Variants in MPRIP observed in about 807,000 individuals in gnomAD.
MPRIP encodes the protein myosin phosphatase Rho-interacting protein.
Under a neutral mutation model 234.9 loss-of-function variants are expected in MPRIP, and 59 were observed. The ratio of observed to expected loss-of-function variants is 0.25; its 90% CI spans 0.20 to 0.31. The LOEUF (loss-of-function observed/expected upper bound fraction) is 0.31. MPRIP is among the 10% of genes least tolerant of loss of function. MPRIP has a pLI of 1.00. For missense variants in MPRIP, 2,436 were observed against 3,071.0 expected (o/e 0.79, Z 4.89); for synonymous variants, 1,144 against 1,263.9 (o/e 0.91, Z 2.01).
At position 17,167,714 on chromosome 17, in the gene MPRIP, A is replaced by G. The variant is rs2046034558; in HGVS notation, c.6123A>G (p.Pro2041=). Residue 2041 remains proline, a synonymous_variant, in exon 16 of 24, where the codon CCA becomes CCG. Coordinates refer to ENST00000651222, the MANE Select transcript of MPRIP (RefSeq NM_001364716.4). The surrounding 1 kb of genome is among the most constrained non-coding windows in gnomAD (Gnocchi z 5.9). ...LQDTLCLHQG[P]HPKALPAPAP... ...ACACCCTCTGCCTCCACCAGGGGCC[A>G]CACCCCAAGGCCCTGCCAGCCCCTG... The G allele has an allele frequency of 7.7e-7, 1 of 1,304,148 alleles. No individual in the cohort carries two copies. Among genetic ancestry groups the G allele is most frequent in the Non-Finnish European group, 1.0e-6 (1 of 988,950 alleles). The allele number at this position is 1,304,148 out of a possible 1,614,324, so 80.8% of individuals were successfully genotyped here.
chr17:17,153,396 GGCA>G (rs2045648870), intron 12 of MPRIP, among the ~76,000 whole-genome samples: 1 of 152,066 alleles, frequency 6.6e-6, no homozygotes, highest in Non-Finnish European at 1.5e-5. Context: ...GCTTCTGTTG[GGCA>G]GGTGCCTGTA....
chr17:17,108,730 T>TA (rs1028735704), intron 3 of MPRIP, among the ~76,000 whole-genome samples: 6 of 152,186 alleles, frequency 3.9e-5, no homozygotes, highest in Non-Finnish European at 7.3e-5. Flanking sequence ...GGGTGAATGT[T>TA]ATGGGCCTCA....
intron 15 of MPRIP, among the ~76,000 whole-genome samples, chr17:17,161,575 C>T (rs989205106): frequency 2.6e-5 from 4 of 152,186 alleles, no homozygotes; most frequent in Non-Finnish European, 4.4e-5. Flanking sequence ...GGGAATCTCC[C>T]TGAAACCTCT....
intron 1 of MPRIP, among the ~76,000 whole-genome samples, chr17:17,065,611 A>G (rs889135228): frequency 6.6e-6 from 1 of 152,020 alleles, no homozygotes; most frequent in African/African-American, 2.4e-5. Context: ...GGGTAAATAG[A>G]TTATACCCTC....
Position 17,172,611 on chromosome 17 carries a change from A to C in MPRIP, c.6473-87A>C. 4 of 992,880 alleles carry C rather than the reference A, an allele frequency of 4.0e-6. No individual in the cohort carries two copies. In the Admixed American group the frequency reaches 6.2e-5, roughly 15 times the overall value. 61.5% of individuals were successfully genotyped at this position (992,880 alleles called of 1,614,324 possible). A position where few individuals can be genotyped will look rare whatever the true frequency, so the allele number is the denominator to read the frequency against. Reference sequence around the variant, plus strand: ...GCAAGCATCAGCAGTGGCAGGCGCCATCCCATTGTGTGGAGCTCCCCACCC... The same window carrying C: ...GCAAGCATCAGCAGTGGCAGGCGCCCTCCCATTGTGTGGAGCTCCCCACCC... On this transcript the variant is annotated intron_variant, in intron 17 of 23. Coordinates refer to ENST00000651222, the MANE Select transcript of MPRIP (RefSeq NM_001364716.4).
intron 12 of MPRIP, among the ~76,000 whole-genome samples, chr17:17,151,544 C>T (rs1479462300): frequency 6.6e-6 from 1 of 152,194 alleles, no homozygotes; most frequent in East Asian, 1.9e-4. Context: ...ACCTAAAGCC[C>T]TTCCCGCCAT....
rs546186002 is a variant in MPRIP, at chr17:17,143,609, C to A, written c.1443C>A (p.Pro481=). 24 of 1,606,646 alleles carry A rather than the reference C, an allele frequency of 1.5e-5. No individual in the cohort carries two copies. The East Asian group carries it at 3.8e-4, about 26-fold the overall frequency. ...PAPLPDASAS[P]LSPHRRAKSL... is the part of the protein sequence containing the mutation. ...CTCTCCCAGACGCCTCGGCTTCCCC[C>A]CTGTCTCCACACCGAAGAGCCAAGT... The change falls in exon 9 of 24, where the codon CCC becomes CCA. Residue 481 remains proline (P), a synonymous_variant. Transcript: ENST00000651222.
chr17:17,121,763 A>G (rs543587214), intron 3 of MPRIP, among the ~76,000 whole-genome samples: 2 of 152,324 alleles, frequency 1.3e-5, no homozygotes, highest in African/African-American at 2.4e-5. Context: ...TCACCCAGAT[A>G]TTAAGCCTAA....
chr17:17,124,398 CTGTG>C (rs146168895), intron 3 of MPRIP, among the ~76,000 whole-genome samples: 2 of 151,940 alleles, frequency 1.3e-5, no homozygotes, highest in Admixed American at 6.6e-5. Flanking sequence ...ACATATGTCT[CTGTG>C]TGTGTGTGTG....
At chr17:17,154,652 T>C (rs1426103882) in intron 13 of MPRIP, among the ~76,000 whole-genome samples, 3 of 152,242 alleles carry the variant, frequency 2.0e-5, no homozygotes, top group Non-Finnish European at 4.4e-5. Context: ...GTAGCATGTG[T>C]GCTGGTCATT....
intron 3 of MPRIP, among the ~76,000 whole-genome samples, chr17:17,103,080 C>G (rs145889133): frequency 1.4e-3 from 218 of 152,312 alleles, no homozygotes; most frequent in Middle Eastern, 0.014. Context: ...TCCTCCATGC[C>G]AAGGCCTTGT....
chr17:17,166,842 G>A lies in MPRIP; in HGVS notation c.5251G>A (p.Gly1751Arg), dbSNP rs1289967346. ...VQLSWDLSPL[G>R]EVLGRDSDSS... ...GCTGTCCTGGGACCTGAGCCCCTTA[G>A]GAGAAGTCCTGGGCCGAGACTCAGA... The change falls in exon 16 of 24, where the codon GGA becomes AGA. Residue 1751 changes from glycine (G) to arginine (R), a missense_variant. Coordinates refer to ENST00000651222, the MANE Select transcript of MPRIP (RefSeq NM_001364716.4). This position sits in a 1 kb window ranked among gnomAD's most constrained non-coding sequence, Gnocchi z 4.4. 7.7e-7 allele frequency: 1 copy of A among 1,304,166 alleles called. No homozygotes were observed. The highest frequency in any genetic ancestry group is 1.2e-5 in the South Asian group (1 of 81,034). 80.8% of individuals were successfully genotyped at this position (1,304,166 alleles called of 1,614,324 possible).
intron 1 of MPRIP, among the ~76,000 whole-genome samples, chr17:17,063,825 A>C: frequency 6.6e-6 from 1 of 152,200 alleles, no homozygotes; most frequent in East Asian, 1.9e-4. Context: ...AGACCTGTGC[A>C]CGTCTGAGAC....
intron 4 of MPRIP, among the ~76,000 whole-genome samples, chr17:17,129,471 G>A (rs1366865489): frequency 6.6e-6 from 1 of 152,146 alleles, no homozygotes; most frequent in Non-Finnish European, 1.5e-5. Flanking sequence ...AAGTGCAGAG[G>A]ACACATTCCA....
chr17:17,046,328 T>A (rs1451603993), intron 1 of MPRIP, among the ~76,000 whole-genome samples: 1 of 152,218 alleles, frequency 6.6e-6, no homozygotes, highest in Non-Finnish European at 1.5e-5. Context: ...TGCTGTTACA[T>A]ACAGTGAATG....
At position 17,188,603 on chromosome 17, in the gene MPRIP, G is replaced by T. The variant is rs1417981584; in HGVS notation, c.*3709G>T. ...GACAGATAAGGCCGGAAACAAAACT[G>T]ATGGCTTGAAAAACATTTTTATGGA... is the stretch of plus-strand genomic sequence containing the variant. On this transcript the variant is annotated 3_prime_UTR_variant, in exon 24 of 24. Coordinates refer to ENST00000651222, the MANE Select transcript of MPRIP (RefSeq NM_001364716.4). 5 of 152,242 alleles carry T rather than the reference G, an allele frequency of 3.3e-5. No homozygotes were observed. Among genetic ancestry groups the T allele is most frequent in the Non-Finnish European group, 7.3e-5 (5 of 68,038 alleles). The allele number at this position is 152,242 out of a possible 1,614,324, so 9.4% of individuals were successfully genotyped here.
At position 17,042,817 on chromosome 17, in the gene MPRIP, C is replaced by CCGCCGCCGCCGCCGT. The variant is rs1346182294; in HGVS notation, c.-22_-8dup. 8 of 1,378,840 alleles carry CCGCCGCCGCCGCCGT rather than the reference C, an allele frequency of 5.8e-6. No individual in the cohort carries two copies. Among genetic ancestry groups the CCGCCGCCGCCGCCGT allele is most frequent in the African/African-American group, 1.5e-5 (1 of 65,160 alleles). 85.4% of individuals were successfully genotyped at this position (1,378,840 alleles called of 1,614,324 possible). ...CGCCAGGCCGGCCAGGCCTGCGCCGCCGCCGCCGCCGCCGTCGCCGCCGCG... is the reference window on the plus strand; with the variant it reads ...CGCCAGGCCGGCCAGGCCTGCGCCGCCGCCGCCGCCGCCGTCGCCGCCGCCGCCGTCGCCGCCGCG... On this transcript the variant is annotated 5_prime_UTR_variant, in exon 1 of 24. Coordinates refer to ENST00000651222, the MANE Select transcript of MPRIP (RefSeq NM_001364716.4).
At position 17,113,462 on chromosome 17, in the gene MPRIP, A is replaced by G. The variant is rs1460473285; in HGVS notation, c.268-13240A>G. Among the ~76,000 whole-genome samples, 3 of 152,208 alleles carry G rather than the reference A, an allele frequency of 2.0e-5. No individual in the cohort carries two copies. In the East Asian group the frequency reaches 5.8e-4, roughly 29 times the overall value. On this transcript the variant is annotated intron_variant, in intron 3 of 23. Coordinates refer to ENST00000651222, the MANE Select transcript of MPRIP (RefSeq NM_001364716.4). Reference sequence around the variant, plus strand: ...TTTCAAGATTCATCCATAGTATAGCACATACCAGAATTTCTTTCCTTTTTA... The same window carrying G: ...TTTCAAGATTCATCCATAGTATAGCGCATACCAGAATTTCTTTCCTTTTTA...
chr17:17,127,888 G>A (rs12939385), intron 4 of MPRIP, among the ~76,000 whole-genome samples: 5,425 of 152,296 alleles, frequency 0.036, 309 homozygotes, highest in African/African-American at 0.11. Context: ...ATGGCAAGGC[G>A]TCCAGGAGCC....
Sources: gnomAD v4.1 joint callset for allele counts (sites outside exome capture counted in the v4.1 genomes callset) on GRCh38, gnomAD v4.1.1 for gene constraint, Gnocchi (gnomAD v3.1) non-coding constraint, MANE v1.5 for transcripts, NCBI Gene and HGNC (gene_info 2026-07-23, HGNC 2026-07-21) for gene names.